Variants in TMF1 observed in about 807,000 individuals in gnomAD.
TMF1 encodes the protein TATA element modulatory factor 1.
A neutral mutation model predicts 126.5 loss-of-function variants in TMF1; 71 were observed. The observed-to-expected ratio is 0.56, with a 90% CI of 0.46 to 0.68. TMF1 has a LOEUF of 0.68. Among genes scored for constraint, TMF1 ranks in the 30% least tolerant of loss-of-function variants. The pLI, the probability that TMF1 is intolerant of heterozygous loss-of-function variation, is 0.00. For synonymous variants in TMF1, 461 were observed against 430.5 expected, an observed-to-expected ratio of 1.07 and a Z score of -0.88; for missense variants, 1,259 against 1,253.2, an observed-to-expected ratio of 1.00 and a Z score of -0.07.
At position 69,039,595 on chromosome 3, in the gene TMF1, T is replaced by C; in HGVS notation, c.1783A>G (p.Lys595Glu). The C allele has an allele frequency of 6.2e-7, 1 of 1,613,754 alleles. No individual in the cohort carries two copies. Among genetic ancestry groups the C allele is most frequent in the Non-Finnish European group, 8.5e-7 (1 of 1,179,922 alleles). ...ENENMVAKLN[K>E]KVKELEEELQ... The stretch of plus-strand genomic sequence containing the variant: ...TCCTCTTCTAGCTCTTTAACTTTTT[T>C]GTTCAGCTTTGCAACCATATTTTCA... The change falls in exon 6 of 17, where the codon AAA becomes GAA. Residue 595 changes from lysine to glutamate, a missense_variant. Coordinates refer to ENST00000398559, the MANE Select transcript of TMF1 (RefSeq NM_007114.3).
chr3:69,024,345 G>A, intron 15 of TMF1, 165 bp from the exon 16 acceptor site: 1 of 531,682 alleles, frequency 1.9e-6, no homozygotes. Flanking sequence ...GGAAACAGTG[G>A]CAGAAAAACG....
chr3:69,044,412 C>T (rs2091884050), intron 3 of TMF1, 80 bp downstream of exon 3: 2 of 739,424 alleles, frequency 2.7e-6, no homozygotes, highest in Admixed American at 3.1e-5. Flanking sequence ...ATTTTAATTT[C>T]AAAAACATTC....
chr3:69,037,365 C>A (rs1480166545), intron 8 of TMF1, among the ~76,000 whole-genome samples: 2 of 152,138 alleles, frequency 1.3e-5, no homozygotes, highest in Non-Finnish European at 2.9e-5. Context: ...GGTGGCCGGG[C>A]ATGGTGGCTC....
chr3:69,036,915 C>T (rs2091834611), intron 8 of TMF1, among the ~76,000 whole-genome samples: 1 of 151,824 alleles, frequency 6.6e-6, no homozygotes, highest in African/African-American at 2.4e-5. Flanking sequence ...CAAAAGAAAA[C>T]ATAGATAAGC....
At chr3:69,032,408 T>C (rs553370849) in intron 10 of TMF1, among the ~76,000 whole-genome samples, 1 of 152,348 alleles carries the variant, frequency 6.6e-6, no homozygotes, top group African/African-American at 2.4e-5. Flanking sequence ...ATCACTACAC[T>C]GTGATTTCTC....
intron 16 of TMF1, 113 bp downstream of exon 16, chr3:69,023,942 G>C: frequency 3.0e-6 from 3 of 987,170 alleles, no homozygotes; most frequent in Non-Finnish European, 4.3e-6. Context: ...TCAAATATTA[G>C]TACTCTTTAA....
intron 9 of TMF1, 97 bp downstream of exon 9, chr3:69,034,926 C>A: frequency 9.0e-7 from 1 of 1,108,008 alleles, no homozygotes; most frequent in South Asian, 1.4e-5. Flanking sequence ...GACAGTAATC[C>A]TCTCAATTCC....
intron 1 of TMF1, among the ~76,000 whole-genome samples, chr3:69,051,471 T>C (rs2091928509): frequency 6.6e-6 from 1 of 152,124 alleles, no homozygotes. Flanking sequence ...TGAGACTCCG[T>C]CTCAACAACA....
chr3:69,030,282 T>G (rs1181753774), intron 10 of TMF1: 1 of 293,062 alleles, frequency 3.4e-6, no homozygotes, highest in Non-Finnish European at 6.3e-6. Flanking sequence ...CTGGAGCAAC[T>G]GGACAGCTAT....
intron 4 of TMF1, among the ~76,000 whole-genome samples, chr3:69,043,547 T>C (rs2091879097): frequency 6.6e-6 from 1 of 152,182 alleles, no homozygotes; most frequent in Non-Finnish European, 1.5e-5. Flanking sequence ...GCTCAAGTGA[T>C]CCGCCCACTT....
chr3:69,023,381 T>C lies in TMF1; in HGVS notation c.3139-61A>G, dbSNP rs1395761356. On this transcript the variant is annotated intron_variant, in intron 16 of 16. Coordinates refer to ENST00000398559, the MANE Select transcript of TMF1 (RefSeq NM_007114.3). ...CTACACAGAACATCTTTAATATTTA[T>C]ATTGCCATAGGAGTCAACAATGAAA... is the stretch of plus-strand genomic sequence containing the variant. The C allele has an allele frequency of 2.2e-6, 3 of 1,369,166 alleles. No homozygotes were observed. The South Asian group carries it at 3.9e-5, about 18-fold the overall frequency. 84.8% of individuals were successfully genotyped at this position (1,369,166 alleles called of 1,614,324 possible).
Position 69,027,987 on chromosome 3 carries a change from CAAT to C in TMF1, c.2667_2669del (p.Leu891del), listed in dbSNP as rs1559629252. 6.4e-7 allele frequency: 1 copy of C among 1,554,108 alleles called. No individual in the cohort carries two copies. Among genetic ancestry groups the C allele is most frequent in the Admixed American group, 1.7e-5 (1 of 58,468 alleles). Reference sequence around the variant, plus strand: ...TTTCCATTTCTAACTGACTATTCAACAATGTCTAATAGAGAGAAATAAAGTTAG... The same window carrying C: ...TTTCCATTTCTAACTGACTATTCAACGTCTAATAGAGAGAAATAAAGTTAG... On this transcript the variant is annotated inframe_deletion and splice_region_variant, in exon 13 of 17. Transcript: ENST00000398559.
Position 69,052,241 on chromosome 3 carries a change from A to T in TMF1, c.-155T>A. On this transcript the variant is annotated 5_prime_UTR_variant, in exon 1 of 17. Coordinates refer to ENST00000398559, the MANE Select transcript of TMF1 (RefSeq NM_007114.3). Reference sequence around the variant, plus strand: ...CCCGACAGCCTCCCGCGAGCCCGGGATGTTACCCTCGGCCGTTCCCGCACA... The same window carrying T: ...CCCGACAGCCTCCCGCGAGCCCGGGTTGTTACCCTCGGCCGTTCCCGCACA... 1.2e-6 allele frequency: 1 copy of T among 812,428 alleles called. No homozygotes were observed. Among genetic ancestry groups the T allele is most frequent in the South Asian group, 2.0e-5 (1 of 51,178 alleles). The allele number at this position is 812,428 out of a possible 1,614,324, so 50.3% of individuals were successfully genotyped here.
At position 69,052,251 on chromosome 3, in the gene TMF1, C is replaced by A. The variant is rs1041457797; in HGVS notation, c.-165G>T. The A allele has an allele frequency of 1.0e-5, 7 of 701,530 alleles. No individual in the cohort carries two copies. Among genetic ancestry groups the A allele is most frequent in the South Asian group, 2.1e-5 (1 of 47,262 alleles). The allele number at this position is 701,530 out of a possible 1,614,324, so 43.5% of individuals were successfully genotyped here. ...TCCCGCGAGCCCGGGATGTTACCCT[C>A]GGCCGTTCCCGCACAGCTGAGACGA... On this transcript the variant is annotated 5_prime_UTR_variant, in exon 1 of 17. An upstream open reading frame in the 5' UTR gains an earlier in-frame stop. Transcript: ENST00000398559.
chr3:69,033,754 T>G, intron 9 of TMF1, 50 bp from the exon 10 acceptor site: 2 of 1,482,730 alleles, frequency 1.3e-6, no homozygotes, highest in South Asian at 1.3e-5. Context: ...ATAAAAACAT[T>G]AAAAACACTA....
In TMF1 at chr3:69,027,614, C is replaced by T. The variant is rs139464017; in HGVS notation, c.2757+286G>A. Among the ~76,000 whole-genome samples the T allele has an allele frequency of 2.1e-3, 318 of 151,206 alleles. 3 individuals are homozygous for T. Among genetic ancestry groups the T allele is most frequent in the African/African-American group, 7.4e-3 (306 of 41,140 alleles). Reference sequence around the variant, plus strand: ...ATGTCCAATCTTTTGGTTCCCTGGGCCTCATTTGAAGAACAAGAATTGTCT... The same window carrying T: ...ATGTCCAATCTTTTGGTTCCCTGGGTCTCATTTGAAGAACAAGAATTGTCT... On this transcript the variant is annotated intron_variant, in intron 13 of 16. Transcript: ENST00000398559.
chr3:69,029,449 AT>A (rs67270234), intron 11 of TMF1, among the ~76,000 whole-genome samples: 109,995 of 144,316 alleles, frequency 0.76, 41,721 homozygotes, highest in Admixed American at 0.82. Context: ...TATTTAATTT[AT>A]TTTTTTTTTT....
rs762067257 is a variant in TMF1, at chr3:69,024,175, T to A, written c.3018A>T (p.Glu1006Asp). 1 of 1,603,000 alleles carries A rather than the reference T, an allele frequency of 6.2e-7. No individual in the cohort carries two copies. Among genetic ancestry groups the A allele is most frequent in the Non-Finnish European group, 8.5e-7 (1 of 1,176,034 alleles). The change falls in exon 16 of 17, where the codon GAA (glutamate) becomes GAT (aspartate). Residue 1006 changes from glutamate to aspartate, a missense_variant. Coordinates refer to ENST00000398559, the MANE Select transcript of TMF1 (RefSeq NM_007114.3). ...REGEITHLQL[E>D]IGNLEKTRSI... is the part of the protein sequence containing the mutation. ...ATCGAGTTTTTTCTAGATTGCCAAT[T>A]TCTAGCTGAGAAGCATTACCACAAA... is the stretch of plus-strand genomic sequence containing the variant.
At chr3:69,026,751 T>C (rs2091769749) in intron 13 of TMF1, among the ~76,000 whole-genome samples, 1 of 152,130 alleles carries the variant, frequency 6.6e-6, no homozygotes, top group Non-Finnish European at 1.5e-5. Context: ...AATAAGAATG[T>C]TTCTGTTAAG....
Sources: allele counts gnomAD v4.1 joint callset (sites outside exome capture counted in the v4.1 genomes callset), GRCh38; gene constraint gnomAD v4.1.1; transcripts MANE v1.5; gene names NCBI Gene and HGNC (gene_info 2026-07-23, HGNC 2026-07-21).